The following APBA1 variants were observed in gnomAD, a reference collection of about 807,000 sequenced individuals.
The protein encoded by APBA1 is amyloid-beta A4 precursor protein-binding family A member 1.
Under a neutral mutation model 86.6 loss-of-function variants are expected in APBA1, and 55 were observed. The ratio of observed to expected loss-of-function variants is 0.64; its 90% confidence interval spans 0.51 to 0.80. The LOEUF is 0.80. Among genes scored for constraint, APBA1 ranks in the 30% least tolerant of loss-of-function variants. The pLI is 0.00. For missense variants in APBA1, 1,090 were observed against 1,183.0 expected (o/e 0.92, Z 1.15); for synonymous variants, 511 against 493.9 (o/e 1.03, Z -0.46).
At chr9:69,650,279 G>A (rs747000391) in intron 1 of APBA1, among the ~76,000 whole-genome samples, 1 of 152,154 alleles carries the variant, frequency 6.6e-6, no homozygotes, top group African/African-American at 2.4e-5. Flanking sequence ...AGTTAATGTA[G>A]GTTAAGTGCT....
At chr9:69,596,059 C>T (rs1490627970) in intron 1 of APBA1, among the ~76,000 whole-genome samples, 1 of 152,134 alleles carries the variant, frequency 6.6e-6, no homozygotes, top group Non-Finnish European at 1.5e-5. Context: ...GTGATCATAG[C>T]TCACTGTAAT....
chr9:69,655,501 T>C (rs1263867419), intron 1 of APBA1, among the ~76,000 whole-genome samples: 1 of 151,958 alleles, frequency 6.6e-6, no homozygotes, highest in African/African-American at 2.4e-5. Context: ...TACAAAATAA[T>C]AAATTACCTA....
In APBA1 at chr9:69,481,816, G is replaced by A. The variant is rs962077800; in HGVS notation, c.1201-5673C>T. Among the ~76,000 whole-genome samples the A allele has an allele frequency of 2.6e-4, 40 of 151,842 alleles. 1 individual carries two copies. The highest frequency in any genetic ancestry group is 3.4e-3 in the Middle Eastern group (1 of 294). On this transcript the variant is annotated intron_variant, in intron 2 of 12. Transcript: ENST00000265381. The stretch of plus-strand genomic sequence containing the variant: ...GAACAGAGCCCTCAGAAATAACGCC[G>A]CATGTCTACAACTATCTGATCTTTG...
rs921788870 is a variant in APBA1 at position 69,562,392 on chromosome 9, T to G, written c.-69-45113A>C. Among the ~76,000 whole-genome samples, 11 of 151,762 alleles carry G rather than the reference T, an allele frequency of 7.2e-5. No individual in the cohort carries two copies. In the South Asian group the frequency reaches 2.3e-3, roughly 32 times the overall value. On this transcript the variant is annotated intron_variant, in intron 1 of 12. Transcript: ENST00000265381. ...TTTCTTTTCTTTTCTTTTTTTTTTT[T>G]GACATGAAGTCTCCCTCTGTCGCCC... is the stretch of plus-strand genomic sequence containing the variant.
Position 69,456,298 on chromosome 9 carries a change from C to T in APBA1, c.1737G>A (p.Gln579=). The part of the protein sequence containing the change: ...QENVEASHPS[Q]DGKRQYKMIC... ...TCATCTTGTACTGCCTTTTCCCATC[C>T]TGGGATGGGTGGGACGCTTCCACGT... is the stretch of plus-strand genomic sequence containing the variant. The change falls in exon 8 of 13, where the codon CAG becomes CAA. Residue 579 remains glutamine (Q), a synonymous_variant. Coordinates refer to ENST00000265381, the MANE Select transcript of APBA1 (RefSeq NM_001163.4). 1 of 1,614,214 alleles carries T rather than the reference C, an allele frequency of 6.2e-7. No individual in the cohort carries two copies. The highest frequency in any genetic ancestry group is 8.5e-7 in the Non-Finnish European group (1 of 1,180,030).
intron 1 of APBA1, among the ~76,000 whole-genome samples, chr9:69,617,338 G>A (rs1213714234): frequency 6.6e-6 from 1 of 151,890 alleles, no homozygotes; most frequent in Non-Finnish European, 1.5e-5. Context: ...GATTAATATT[G>A]TAGTGGTGAC....
intron 1 of APBA1, among the ~76,000 whole-genome samples, chr9:69,537,880 C>T (rs1836538901): frequency 6.6e-6 from 1 of 151,644 alleles, no homozygotes; most frequent in Admixed American, 6.6e-5. Context: ...CCCAGTGTAT[C>T]ATCTGTCTTT....
chr9:69,506,012 C>T (rs1835955501), intron 2 of APBA1, among the ~76,000 whole-genome samples: 2 of 150,084 alleles, frequency 1.3e-5, no homozygotes, highest in Admixed American at 1.3e-4. Context: ...GAGCAAGACT[C>T]CATCTAAAAA....
intron 4 of APBA1, among the ~76,000 whole-genome samples, chr9:69,470,094 G>T (rs1835342889): frequency 6.6e-6 from 1 of 152,076 alleles, no homozygotes; most frequent in Non-Finnish European, 1.5e-5. Flanking sequence ...AAGCATCCAA[G>T]ACACACAAAT....
Position 69,457,060 on chromosome 9 carries a change from T to C in APBA1, c.1595A>G (p.Asp532Gly), listed in dbSNP as rs773272131. Residue 532 changes from aspartate (D) to glycine (G), a missense_variant, in exon 7 of 13, where the codon GAC becomes GGC. Coordinates refer to ENST00000265381, the MANE Select transcript of APBA1 (RefSeq NM_001163.4). ...STQRIKVLNA[D>G]TQETMMDHPL... is the part of the protein sequence containing the mutation. ...GTGGAAGCCAGCTGATACCTGTGTG[T>C]CGGCGTTCAGCACTTTGATTCTCTG... 1 of 1,614,026 alleles carries C rather than the reference T, an allele frequency of 6.2e-7. No homozygotes were observed. The highest frequency in any genetic ancestry group is 1.7e-5 in the Admixed American group (1 of 60,028).
At chr9:69,638,337 T>C (rs1823221097) in intron 1 of APBA1, among the ~76,000 whole-genome samples, 1 of 152,134 alleles carries the variant, frequency 6.6e-6, no homozygotes, top group African/African-American at 2.4e-5. Context: ...GCCTCCTGGG[T>C]TCAAGCAATT....
intron 2 of APBA1, among the ~76,000 whole-genome samples, chr9:69,488,537 T>C (rs1238730530): frequency 6.6e-6 from 1 of 152,130 alleles, no homozygotes; most frequent in Non-Finnish European, 1.5e-5. Context: ...GTGGTCATCA[T>C]TTCAAATGAA....
chr9:69,472,538 C>T, intron 3 of APBA1: 1 of 152,182 alleles, frequency 6.6e-6, no homozygotes, highest in East Asian at 1.9e-4. Context: ...ATACAAGCAT[C>T]ACAGGAGAGT....
chr9:69,510,589 A>G (rs1836018230), intron 2 of APBA1, among the ~76,000 whole-genome samples: 1 of 139,914 alleles, frequency 7.1e-6, no homozygotes. Flanking sequence ...TTCATATGGA[A>G]CCAAAAAAGA....
chr9:69,443,554 T>A (rs1172830198), intron 10 of APBA1, among the ~76,000 whole-genome samples: 1 of 152,136 alleles, frequency 6.6e-6, no homozygotes, highest in African/African-American at 2.4e-5. Flanking sequence ...CACTGCTGCA[T>A]CAAAACCCAC....
intron 1 of APBA1, among the ~76,000 whole-genome samples, chr9:69,641,210 C>T (rs1295888447): frequency 1.3e-5 from 2 of 151,850 alleles, no homozygotes; most frequent in African/African-American, 2.4e-5. Context: ...ATACTAAAAA[C>T]GTGACATACT....
intron 1 of APBA1, among the ~76,000 whole-genome samples, chr9:69,539,830 C>G (rs1022052049): frequency 6.6e-6 from 1 of 152,086 alleles, no homozygotes; most frequent in African/African-American, 2.4e-5. Context: ...TTATATGTCA[C>G]CTTATTAGCC....
At chr9:69,456,912 G>A (rs1248128343) in intron 7 of APBA1, 141 bp downstream of exon 7, 3 of 675,818 alleles carry the variant, frequency 4.4e-6, no homozygotes, top group Non-Finnish European at 7.5e-6. Flanking sequence ...CAGGCACTGT[G>A]AACACCACCT....
chr9:69,636,927 G>GGAAGC (rs1823184891), intron 1 of APBA1, among the ~76,000 whole-genome samples: 1 of 120,588 alleles, frequency 8.3e-6, no homozygotes, highest in African/African-American at 3.2e-5. Context: ...AGGAAGGAAA[G>GGAAGC]AAAGAAAGAA....
Sources: gnomAD v4.1 joint callset for allele counts (sites outside exome capture counted in the v4.1 genomes callset) on GRCh38, gnomAD v4.1.1 for gene constraint, MANE v1.5 for transcripts, NCBI Gene and HGNC (gene_info 2026-07-23, HGNC 2026-07-21) for gene names.